Variants in CYP24A1 observed in about 807,000 individuals in gnomAD.
The protein encoded by CYP24A1 is 1,25-dihydroxyvitamin D(3) 24-hydroxylase, mitochondrial.
In CYP24A1, 68 loss-of-function variants were observed where a neutral mutation model predicts 62.4. That is an observed-to-expected ratio of 1.09 (90% CI 0.90 to 1.33). The LOEUF (loss-of-function observed/expected upper bound fraction) is 1.33. Ranked by LOEUF, CYP24A1 falls within the 40% of genes most tolerant of loss-of-function variation. The pLI is 0.00. For synonymous variants in CYP24A1, 267 were observed against 253.0 expected (o/e 1.06, Z -0.52); for missense variants, 787 against 653.0 (o/e 1.21, Z -2.24).
rs905050242 is a variant in CYP24A1, at chr20:54,162,567, C to T, written c.990+150G>A. 398 of 533,388 alleles carry T rather than the reference C, an allele frequency of 7.5e-4. 5 individuals carry two copies. Among genetic ancestry groups the T allele is most frequent in the Non-Finnish European group, 1.8e-4 (55 of 298,988 alleles). 33.0% of individuals were successfully genotyped at this position (533,388 alleles called of 1,614,324 possible). A position where few individuals can be genotyped will look rare whatever the true frequency, so the allele number is the denominator to read the frequency against. ...GCATAGATGCTGTGCGCGGAGGCAC[C>T]GTGGCATCTAGTATGAGACTTTTCA... On this transcript the variant is annotated intron_variant, in intron 7 of 11. Coordinates refer to ENST00000216862, the MANE Select transcript of CYP24A1 (RefSeq NM_000782.5).
rs774042537 is a variant in CYP24A1 at position 54,172,919 on chromosome 20, G to C, written c.439C>G (p.Leu147Val). The C allele has an allele frequency of 5.0e-6, 8 of 1,613,612 alleles. No homozygotes were observed. The highest frequency in any genetic ancestry group is 1.3e-5 in the African/African-American group (1 of 74,926). The change falls in exon 2 of 12, where the codon CTG becomes GTG. Residue 147 changes from leucine (L) to valine (V), a missense_variant. Leu to Val is a conservative substitution (Grantham distance 32). Transcript: ENST00000216862. Reference sequence around the variant, plus strand: ...TCGGATTGGACTCACAGGATCAGCAGCCCGTAGCCTTCTTTGCGGTAGTCG... The same window carrying C: ...TCGGATTGGACTCACAGGATCAGCACCCCGTAGCCTTCTTTGCGGTAGTCG... ...YRDYRKEGYGLLILEGEDWQR... is the reference protein window; with the variant it reads ...YRDYRKEGYGVLILEGEDWQR...
chr20:54,159,639 C>T (rs572701720), intron 7 of CYP24A1, among the ~76,000 whole-genome samples: 2 of 152,262 alleles, frequency 1.3e-5, no homozygotes, highest in Non-Finnish European at 2.9e-5. Context: ...AGGTGATCTG[C>T]CTGCCTCCAA....
chr20:54,155,456 A>G (rs2092624155), intron 11 of CYP24A1, among the ~76,000 whole-genome samples: 1 of 152,082 alleles, frequency 6.6e-6, no homozygotes, highest in African/African-American at 2.4e-5. Context: ...TTCCACCACC[A>G]GGGGTGGTGG....
At position 54,162,736 on chromosome 20, in the gene CYP24A1, T is replaced by C. The variant is rs1303537416; in HGVS notation, c.971A>G (p.Gln324Arg). The change falls in exon 7 of 12, where the codon CAG (glutamine) becomes CGG (arginine). Residue 324 changes from glutamine to arginine, a missense_variant. Physicochemically the swap from Gln to Arg is conservative, Grantham distance 43. Transcript: ENST00000216862. ...CCTTACCGTTTCCACCGCAGCCAGC[T>C]GGAGCTCTGTGACAGCAGCATACAA... The part of the protein sequence containing the change: ...KELYAAVTEL[Q>R]LAAVETTANS... The C allele has an allele frequency of 1.9e-6, 3 of 1,602,956 alleles. No homozygotes were observed. The highest frequency in any genetic ancestry group is 2.6e-6 in the Non-Finnish European group (3 of 1,170,144).
At position 54,169,599 on chromosome 20, in the gene CYP24A1, C is replaced by G. The variant is rs150102121; in HGVS notation, c.633G>C (p.Ser211=). ...EDLYSELNKW[S]FESICLVLYE... Reference sequence around the variant, plus strand: ...TCTGTGACGACAACTTACTTTCAAACGACCATTTGTTCAGTTCGCTGTACA... The same window carrying G: ...TCTGTGACGACAACTTACTTTCAAAGGACCATTTGTTCAGTTCGCTGTACA... The change falls in exon 4 of 12, where the codon TCG becomes TCC. Residue 211 remains serine, a synonymous_variant. Coordinates refer to ENST00000216862, the MANE Select transcript of CYP24A1 (RefSeq NM_000782.5). The G allele has an allele frequency of 1.2e-5, 19 of 1,614,162 alleles. No individual in the cohort carries two copies. In the African/African-American group the frequency reaches 2.1e-4, roughly 18 times the overall value.
At chr20:54,147,813 A>G in the CYP24A1 span, among the ~76,000 whole-genome samples, 1 of 152,116 alleles carries the variant, frequency 6.6e-6, no homozygotes, top group East Asian at 1.9e-4. Flanking sequence ...TTTAAACCCA[A>G]TCTATCTGCT....
chr20:54,146,373 C>T, the CYP24A1 span, among the ~76,000 whole-genome samples: 1 of 152,154 alleles, frequency 6.6e-6, no homozygotes, highest in Non-Finnish European at 1.5e-5. Flanking sequence ...TTTCTTGATA[C>T]TGTGTTTCAG....
Position 54,158,946 on chromosome 20 carries a change from T to C in CYP24A1, c.1157+11A>G. The C allele has an allele frequency of 6.2e-7, 1 of 1,614,194 alleles. No homozygotes were observed. The highest frequency in any genetic ancestry group is 8.5e-7 in the Non-Finnish European group (1 of 1,180,020). On this transcript the variant is annotated intron_variant, in intron 8 of 11. Coordinates refer to ENST00000216862, the MANE Select transcript of CYP24A1 (RefSeq NM_000782.5). ...TAACACATTTATATTGGCTCAGAGA[T>C]AGGCTCTTACCTCATAGATTCTTTC...
rs1570670 is a variant in CYP24A1 at position 54,158,040 on chromosome 20, A to G, written c.1236+46T>C. 392,964 of 1,608,190 alleles carry G rather than the reference A, an allele frequency of 0.24. 53,657 individuals are homozygous for G. Among genetic ancestry groups the G allele is most frequent in the East Asian group, 0.59 (26,596 of 44,828 alleles). On this transcript the variant is annotated intron_variant, in intron 9 of 11. Coordinates refer to ENST00000216862, the MANE Select transcript of CYP24A1 (RefSeq NM_000782.5). ...GATCTGGTGAATATTTGCAAAGTGTATCTTCCAAGGTTTTGTAAGGTATAG... is the reference window on the plus strand; with the variant it reads ...GATCTGGTGAATATTTGCAAAGTGTGTCTTCCAAGGTTTTGTAAGGTATAG...
chr20:54,169,869 A>T (rs1399365616), intron 3 of CYP24A1, among the ~76,000 whole-genome samples, 181 bp from the exon 4 acceptor site: 1 of 152,074 alleles, frequency 6.6e-6, no homozygotes. Flanking sequence ...TCCCCTAATG[A>T]CCTCGTCCTG....
chr20:54,159,201 G>A, intron 7 of CYP24A1, 78 bp from the exon 8 acceptor site: 1 of 1,103,118 alleles, frequency 9.1e-7, no homozygotes. Flanking sequence ...AAAAGGTGAT[G>A]CCCACCACCT....
downstream of CYP24A1, among the ~76,000 whole-genome samples, chr20:54,152,594 G>A (rs920778636): frequency 4.6e-5 from 7 of 152,338 alleles, no homozygotes; most frequent in East Asian, 3.9e-4. Flanking sequence ...AGAGCATGCC[G>A]GGAGGGAGAC....
chr20:54,171,995 C>T (rs915715265), intron 2 of CYP24A1: 10 of 403,456 alleles, frequency 2.5e-5, no homozygotes, highest in Admixed American at 1.1e-4. Flanking sequence ...CAATTCCTAG[C>T]GGTAAAAGGG....
chr20:54,172,053 G>A (rs2092695930), intron 2 of CYP24A1: 9 of 314,360 alleles, frequency 2.9e-5, no homozygotes, highest in South Asian at 2.4e-4. Context: ...TTTGAGGGAA[G>A]AATCTTGTCT....
At chr20:54,171,985 CA>C (rs1201075533) in intron 2 of CYP24A1, 3 of 424,552 alleles carry the variant, frequency 7.1e-6, no homozygotes, top group African/African-American at 6.1e-5. Flanking sequence ...GGCCTGGGGA[CA>C]ATTCCTAGCG....
At chr20:54,145,339 G>A in the CYP24A1 span, among the ~76,000 whole-genome samples, 1 of 151,824 alleles carries the variant, frequency 6.6e-6, no homozygotes, top group Non-Finnish European at 1.5e-5. Flanking sequence ...GAATACAGTG[G>A]AAGCATACTT....
Position 54,173,231 on chromosome 20 carries a change from C to T in CYP24A1, c.258+91G>A. The T allele has an allele frequency of 8.6e-6, 13 of 1,509,202 alleles. No homozygotes were observed. Among genetic ancestry groups the T allele is most frequent in the South Asian group, 1.1e-5 (1 of 87,486 alleles). 93.5% of individuals were successfully genotyped at this position (1,509,202 alleles called of 1,614,324 possible). On this transcript the variant is annotated intron_variant, in intron 1 of 11. Coordinates refer to ENST00000216862, the MANE Select transcript of CYP24A1 (RefSeq NM_000782.5). This position sits in a 1 kb window ranked among gnomAD's most constrained non-coding sequence, Gnocchi z 7.2. ...TGCCCAGACGCCGAAGCGCACCATG[C>T]GCCCGAGGCGCGCATGTCGGGGAGG...
In CYP24A1 at chr20:54,173,236, G is replaced by A. The variant is rs1043340520; in HGVS notation, c.258+86C>T. The A allele has an allele frequency of 2.7e-6, 4 of 1,505,234 alleles. No individual in the cohort carries two copies. In the African/African-American group the frequency reaches 5.5e-5, roughly 21 times the overall value. 93.2% of individuals were successfully genotyped at this position (1,505,234 alleles called of 1,614,324 possible). A position where few individuals can be genotyped will look rare whatever the true frequency, so the allele number is the denominator to read the frequency against. The stretch of plus-strand genomic sequence containing the variant: ...AGACGCCGAAGCGCACCATGCGCCC[G>A]AGGCGCGCATGTCGGGGAGGGTTTG... On this transcript the variant is annotated intron_variant, in intron 1 of 11. Coordinates refer to ENST00000216862, the MANE Select transcript of CYP24A1 (RefSeq NM_000782.5). The surrounding 1 kb of genome is among the most constrained non-coding windows in gnomAD (Gnocchi z 7.2).
intron 5 of CYP24A1, 130 bp downstream of exon 5, chr20:54,165,612 A>G (rs544524867): frequency 2.8e-6 from 2 of 726,472 alleles, no homozygotes; most frequent in Admixed American, 2.0e-5. Context: ...AATGCACATT[A>G]AAATGAACAC....
Sources: gnomAD v4.1 joint callset for allele counts (sites outside exome capture counted in the v4.1 genomes callset) on GRCh38, gnomAD v4.1.1 for gene constraint, Gnocchi (gnomAD v3.1) non-coding constraint, MANE v1.5 for transcripts, NCBI Gene and HGNC (gene_info 2026-07-23, HGNC 2026-07-21) for gene names.